CLEC2D: variants seen among roughly 807,000 people sequenced by gnomAD.
The protein encoded by CLEC2D is C-type lectin related f.
CLEC2D carries 16 observed loss-of-function variants against 20.0 expected under a neutral mutation model. The ratio of observed to expected loss-of-function variants is 0.80; its 90% CI spans 0.54 to 1.22. The LOEUF (loss-of-function observed/expected upper bound fraction) is 1.22, where lower values mean the gene tolerates loss of function less well. Among genes scored for constraint, CLEC2D ranks in the 50% most tolerant of loss-of-function variants. The pLI is 0.00. For synonymous variants in CLEC2D, 77 were observed against 71.1 expected (o/e 1.08, Z -0.42); for missense variants, 207 against 221.5 (o/e 0.93, Z 0.42).
rs1361442283 is a variant in CLEC2D at position 9,698,397 on chromosome 12, C to G, written c.*3523C>G. 2.0e-5 allele frequency: 3 copies of G among 152,104 alleles called. No homozygotes were observed. The highest frequency in any genetic ancestry group is 4.4e-5 in the Non-Finnish European group (3 of 68,008). 9.4% of individuals were successfully genotyped at this position (152,104 alleles called of 1,614,324 possible). On this transcript the variant is annotated 3_prime_UTR_variant, in exon 5 of 5. Transcript: ENST00000290855. ...TCTCTCTATTCCCCAGCCCCAGTCCCTAAATGTTGAATACACAATGGGGAA... is the reference window on the plus strand; with the variant it reads ...TCTCTCTATTCCCCAGCCCCAGTCCGTAAATGTTGAATACACAATGGGGAA...
chr12:9,678,083 G>A (rs986414628), intron 1 of CLEC2D, among the ~76,000 whole-genome samples: 8 of 152,078 alleles, frequency 5.3e-5, no homozygotes, highest in African/African-American at 1.7e-4. Context: ...TGAATTCATC[G>A]ATTTCTCCTT....
intron 1 of CLEC2D, among the ~76,000 whole-genome samples, chr12:9,675,019 T>A (rs1238358523): frequency 6.6e-6 from 1 of 152,180 alleles, no homozygotes; most frequent in South Asian, 2.1e-4. Flanking sequence ...ATTCATTTAT[T>A]TGTATGTGGG....
At chr12:9,685,638 G>A (rs1865732558) in intron 2 of CLEC2D, among the ~76,000 whole-genome samples, 1 of 152,176 alleles carries the variant, frequency 6.6e-6, no homozygotes, top group African/African-American at 2.4e-5. Context: ...CTTCCCCCAG[G>A]GCTTTGTTTA....
At position 9,695,939 on chromosome 12, in the gene CLEC2D, A is replaced by G; in HGVS notation, c.*1065A>G. ...GCGCCAGTGAAGAAATCTATACGAG[A>G]TACTCCAGCCAAAAATGCACAAAAG... On this transcript the variant is annotated 3_prime_UTR_variant, in exon 5 of 5. Transcript: ENST00000290855. 1 of 1,500,320 alleles carries G rather than the reference A, an allele frequency of 6.7e-7. No individual in the cohort carries two copies. The highest frequency in any genetic ancestry group is 9.2e-7 in the Non-Finnish European group (1 of 1,091,558). The allele number at this position is 1,500,320 out of a possible 1,614,324, so 92.9% of individuals were successfully genotyped here. A position where few individuals can be genotyped will look rare whatever the true frequency, so the allele number is the denominator to read the frequency against.
rs780727076 is a variant in CLEC2D at position 9,694,866 on chromosome 12, C to T, written c.568C>T (p.His190Tyr). 9.6e-6 allele frequency: 15 copies of T among 1,562,054 alleles called. No homozygotes were observed. In the South Asian group the frequency reaches 1.6e-4, roughly 16 times the overall value. ...GTGGATTTGTTCCAAATCAGATATA[C>T]ATGTCTAGATGTTACAGCAAAGCCC... is the stretch of plus-strand genomic sequence containing the variant. ...RKWICSKSDI[H>Y]V Residue 190 changes from histidine (H) to tyrosine (Y), a missense_variant, in exon 5 of 5, where the codon CAT becomes TAT. By Grantham distance (83) the His-to-Tyr change is moderately conservative. Transcript: ENST00000290855.
chr12:9,679,648 A>T (rs1322837648), intron 1 of CLEC2D, among the ~76,000 whole-genome samples: 1 of 152,208 alleles, frequency 6.6e-6, no homozygotes, highest in Admixed American at 6.5e-5. Context: ...TGTGAACTCT[A>T]TATTTTTAAT....
chr12:9,687,733 G>A (rs761872912), intron 2 of CLEC2D, among the ~76,000 whole-genome samples, 169 bp from the exon 3 acceptor site: 26 of 152,256 alleles, frequency 1.7e-4, no homozygotes, highest in African/African-American at 5.8e-4. Flanking sequence ...GCCATTTGCT[G>A]TGTAATGTAT....
chr12:9,694,831 C>T lies in CLEC2D; in HGVS notation c.533C>T (p.Thr178Ile), dbSNP rs1173742081. The change falls in exon 5 of 5, where the codon ACA becomes ATA. Residue 178 changes from threonine to isoleucine, a missense_variant. Thr to Ile is a moderately conservative substitution (Grantham distance 89). Transcript: ENST00000290855. ...DKGASSARHY[T>I]ERKWICSKSD... ...GGTGCCAGTAGTGCCAGGCACTACACAGAGAGGAAGTGGATTTGTTCCAAA... is the reference window on the plus strand; with the variant it reads ...GGTGCCAGTAGTGCCAGGCACTACATAGAGAGGAAGTGGATTTGTTCCAAA... The T allele has an allele frequency of 6.2e-7, 1 of 1,610,676 alleles. No individual in the cohort carries two copies. The highest frequency in any genetic ancestry group is 1.1e-5 in the South Asian group (1 of 91,022).
chr12:9,672,023 T>G (rs1023010895), intron 1 of CLEC2D, among the ~76,000 whole-genome samples: 1 of 152,218 alleles, frequency 6.6e-6, no homozygotes, highest in African/African-American at 2.4e-5. Context: ...TGTTTTGTGC[T>G]GCTATTACAG....
rs1008352527 is a variant in CLEC2D at position 9,674,604 on chromosome 12, C to T, written c.61+4809C>T. On this transcript the variant is annotated intron_variant, in intron 1 of 4. Coordinates refer to ENST00000290855, the MANE Select transcript of CLEC2D (RefSeq NM_013269.6). ...AACTGCCAAAGTGGCTGTAGCATTT[C>T]GCTTTCTTACCAGTAATGCATGAGA... 3.9e-5 allele frequency among the ~76,000 whole-genome samples: 6 copies of T among 152,226 alleles called. No individual in the cohort carries two copies. The East Asian group carries it at 5.8e-4, about 15-fold the overall frequency.
At chr12:9,690,450 G>A (rs2120967688) in intron 3 of CLEC2D, among the ~76,000 whole-genome samples, 1 of 151,766 alleles carries the variant, frequency 6.6e-6, no homozygotes, top group South Asian at 2.1e-4. Flanking sequence ...TAACAATAGA[G>A]GTAAATATAA....
intron 1 of CLEC2D, among the ~76,000 whole-genome samples, chr12:9,680,424 ATTC>A (rs1328123470): frequency 2.0e-5 from 3 of 152,174 alleles, no homozygotes; most frequent in Non-Finnish European, 2.9e-5. Flanking sequence ...CCCTCCATGT[ATTC>A]TTAACTATTC....
intron 2 of CLEC2D, among the ~76,000 whole-genome samples, chr12:9,682,106 C>T (rs1020820449): frequency 6.6e-6 from 1 of 152,072 alleles, no homozygotes; most frequent in African/African-American, 2.4e-5. Flanking sequence ...ATGTGTTTCT[C>T]TTCCTTTCAG....
At chr12:9,671,641 C>T (rs1376696453) in intron 1 of CLEC2D, among the ~76,000 whole-genome samples, 1 of 152,168 alleles carries the variant, frequency 6.6e-6, no homozygotes, top group Non-Finnish European at 1.5e-5. Flanking sequence ...AAAAAATAAA[C>T]GTGGTATTTT....
chr12:9,693,534 T>C (rs1168554135), intron 4 of CLEC2D: 2 of 185,026 alleles, frequency 1.1e-5, no homozygotes, highest in African/African-American at 4.8e-5. Flanking sequence ...TTGTAATACA[T>C]TCATCAATAT....
intron 1 of CLEC2D, 71 bp from the exon 2 acceptor site, chr12:9,680,852 G>T: frequency 1.3e-6 from 1 of 743,026 alleles, no homozygotes; most frequent in South Asian, 1.7e-5. Context: ...ATAACATTTT[G>T]ATGCTTAATG....
intron 3 of CLEC2D, among the ~76,000 whole-genome samples, chr12:9,691,090 C>G (rs968663079): frequency 6.6e-6 from 1 of 152,054 alleles, no homozygotes; most frequent in Non-Finnish European, 1.5e-5. Context: ...ATATTCCATA[C>G]AAACAGTAGT....
chr12:9,699,431 C>T lies in CLEC2D; in HGVS notation c.*4557C>T, dbSNP rs938130747. 2 of 152,018 alleles carry T rather than the reference C, an allele frequency of 1.3e-5. No homozygotes were observed. Among genetic ancestry groups the T allele is most frequent in the Non-Finnish European group, 2.9e-5 (2 of 67,976 alleles). 9.4% of individuals were successfully genotyped at this position (152,018 alleles called of 1,614,324 possible). A position where few individuals can be genotyped will look rare whatever the true frequency, so the allele number is the denominator to read the frequency against. ...GTTTACTTTTCAGTAAAATTTCAAG[C>T]TTGAGTAATGTTCATGCCTGCTTTT... On this transcript the variant is annotated 3_prime_UTR_variant, in exon 5 of 5. Transcript: ENST00000290855.
intron 2 of CLEC2D, among the ~76,000 whole-genome samples, chr12:9,684,849 T>G (rs1865718006): frequency 6.6e-6 from 1 of 152,290 alleles, no homozygotes; most frequent in South Asian, 2.1e-4. Context: ...TTCTTTTTTG[T>G]TGTATCTCTG....
Sources: gnomAD v4.1 joint callset for allele counts (sites outside exome capture counted in the v4.1 genomes callset) on GRCh38, gnomAD v4.1.1 for gene constraint, MANE v1.5 for transcripts, NCBI Gene and HGNC (gene_info 2026-07-23, HGNC 2026-07-21) for gene names.